The following MYT1L variants were observed in gnomAD, a reference collection of about 807,000 sequenced individuals.
MYT1L encodes the protein myelin transcription factor 1 like, also known as myelin transcription factor 1-like protein.
A neutral mutation model predicts 126.7 loss-of-function variants in MYT1L; 12 were observed. The observed-to-expected ratio is 0.09, with a 90% CI of 0.06 to 0.15. MYT1L has a LOEUF of 0.15. MYT1L is among the 10% of genes least tolerant of loss of function. The pLI is 1.00. For synonymous variants in MYT1L, 541 were observed against 604.2 expected (o/e 0.90, Z 1.53); for missense variants, 979 against 1,585.2 (o/e 0.62, Z 6.49).
At chr2:2,198,718 C>T (rs544483772) in intron 2 of MYT1L, among the ~76,000 whole-genome samples, 4 of 151,880 alleles carry the variant, frequency 2.6e-5, no homozygotes, top group Admixed American at 6.6e-5. Context: ...ATTAGCCAGG[C>T]GTTGTGGTGT....
intron 2 of MYT1L, among the ~76,000 whole-genome samples, chr2:2,257,738 A>G (rs2094857202): frequency 6.8e-6 from 1 of 147,870 alleles, no homozygotes; most frequent in African/African-American, 2.7e-5. Flanking sequence ...CAAGGAAATA[A>G]AAGAGGACAC....
chr2:1,830,955 G>C (rs1232164435), intron 21 of MYT1L, among the ~76,000 whole-genome samples: 2 of 152,276 alleles, frequency 1.3e-5, no homozygotes, highest in Admixed American at 6.5e-5. Flanking sequence ...AGGCTCCCAC[G>C]CTGCTGTCTT....
At chr2:1,792,082 T>C in intron 24 of MYT1L, 75 bp from the exon 25 acceptor site, 1 of 1,281,878 alleles carries the variant, frequency 7.8e-7, no homozygotes, top group Non-Finnish European at 1.1e-6. Flanking sequence ...CATAAAATAG[T>C]ATCATAGCAT....
At chr2:1,833,344 C>A (rs189020938) in intron 21 of MYT1L, among the ~76,000 whole-genome samples, 1 of 152,082 alleles carries the variant, frequency 6.6e-6, no homozygotes, top group Admixed American at 6.5e-5. Context: ...TTGGCCTTAG[C>A]ACCTGTCCAG....
At chr2:2,257,610 G>T (rs1190981823) in intron 2 of MYT1L, among the ~76,000 whole-genome samples, 28 of 152,268 alleles carry the variant, frequency 1.8e-4, no homozygotes, top group Non-Finnish European at 2.2e-4. Flanking sequence ...GTAGCCTCAA[G>T]GGTTCTCATC....
At chr2:2,087,898 C>G (rs901238834) in intron 3 of MYT1L, among the ~76,000 whole-genome samples, 1 of 152,242 alleles carries the variant, frequency 6.6e-6, no homozygotes, top group Non-Finnish European at 1.5e-5. Context: ...AAACACCACA[C>G]GTGGTCTACT....
chr2:2,051,221 G>A (rs1197701924), intron 4 of MYT1L, among the ~76,000 whole-genome samples: 1 of 152,182 alleles, frequency 6.6e-6, no homozygotes, highest in Non-Finnish European at 1.5e-5. Context: ...CAACTGAATA[G>A]TATTCCACGT....
intron 1 of MYT1L, among the ~76,000 whole-genome samples, chr2:2,309,272 T>A (rs2095913632): frequency 6.6e-6 from 1 of 151,890 alleles, no homozygotes; most frequent in African/African-American, 2.4e-5. Context: ...ATACTCCATC[T>A]ACACTTCAGT....
chr2:1,898,729 G>A (rs954410779), intron 14 of MYT1L, among the ~76,000 whole-genome samples: 2 of 152,200 alleles, frequency 1.3e-5, no homozygotes, highest in African/African-American at 4.8e-5. Context: ...GAAGGGCCGC[G>A]GACTGCCTGC....
intron 2 of MYT1L, among the ~76,000 whole-genome samples, chr2:2,218,328 C>G (rs572017803): frequency 6.6e-6 from 1 of 152,266 alleles, no homozygotes; most frequent in African/African-American, 2.4e-5. Flanking sequence ...TATCCATCAA[C>G]AGTTGATTGA....
At chr2:2,179,224 C>A (rs564013440) in intron 2 of MYT1L, among the ~76,000 whole-genome samples, 2 of 152,304 alleles carry the variant, frequency 1.3e-5, no homozygotes, top group East Asian at 1.9e-4. Context: ...TTTGGAGAAC[C>A]CAGTGGTTCT....
At chr2:2,110,229 T>C (rs2079264676) in intron 3 of MYT1L, among the ~76,000 whole-genome samples, 1 of 152,002 alleles carries the variant, frequency 6.6e-6, no homozygotes, top group Admixed American at 6.6e-5. Flanking sequence ...CCCTATTGAA[T>C]GACTTATTCA....
intron 8 of MYT1L, among the ~76,000 whole-genome samples, chr2:1,960,919 T>A (rs1189853348): frequency 6.6e-5 from 10 of 152,238 alleles, no homozygotes; most frequent in Non-Finnish European, 1.2e-4. Context: ...GAACTTCCAG[T>A]GCATGTGTGC....
chr2:1,995,912 G>A (rs1467665967), intron 5 of MYT1L, among the ~76,000 whole-genome samples: 1 of 152,184 alleles, frequency 6.6e-6, no homozygotes, highest in African/African-American at 2.4e-5. Flanking sequence ...GAAGGAAGCT[G>A]CCCTCTGTTT....
At position 1,867,078 on chromosome 2, in the gene MYT1L, AAGGGAGAGAGAGAGAAAGAGAGACGG is replaced by A. The variant is rs2045674575; in HGVS notation, c.2712-15401_2712-15376del. Among the ~76,000 whole-genome samples, 5 of 114,436 alleles carry A rather than the reference AAGGGAGAGAGAGAGAAAGAGAGACGG, an allele frequency of 4.4e-5. No individual in the cohort carries two copies. The South Asian group carries it at 1.7e-3, about 39-fold the overall frequency. 75.1% of individuals were successfully genotyped at this position (114,436 alleles called of 152,430 possible). On this transcript the variant is annotated intron_variant, in intron 18 of 24. Transcript: ENST00000647738. ...GGGTTGGGGGAGAGAGGGAGGGAGG[AAGGGAGAGAGAGAGAAAGAGAGACGG>A]AGGGAGAGAGACAGAGTCTTGCTCA...
intron 3 of MYT1L, among the ~76,000 whole-genome samples, chr2:2,110,997 G>A (rs944719007): frequency 3.3e-5 from 5 of 152,188 alleles, no homozygotes; most frequent in African/African-American, 1.2e-4. Context: ...CAGCTATGGG[G>A]CATGGGCTCC....
intron 4 of MYT1L, among the ~76,000 whole-genome samples, chr2:2,049,781 T>C (rs1421913986): frequency 1.3e-5 from 2 of 152,184 alleles, no homozygotes; most frequent in South Asian, 2.1e-4. Context: ...TTGGTCCTCA[T>C]TTCTCTCTTG....
intron 5 of MYT1L, among the ~76,000 whole-genome samples, chr2:1,995,280 C>T (rs1380223196): frequency 6.6e-6 from 1 of 152,160 alleles, no homozygotes; most frequent in African/African-American, 2.4e-5. Flanking sequence ...ATGCACAGGG[C>T]TCCACACGTG....
At chr2:2,043,543 G>A (rs1292521485) in intron 4 of MYT1L, among the ~76,000 whole-genome samples, 4 of 152,170 alleles carry the variant, frequency 2.6e-5, no homozygotes, top group South Asian at 2.1e-4. Context: ...ACTGCCTCCA[G>A]TTCCCCTTCC....
Sources: allele counts gnomAD v4.1 joint callset (sites outside exome capture counted in the v4.1 genomes callset), GRCh38; gene constraint gnomAD v4.1.1; transcripts MANE v1.5; gene names NCBI Gene and HGNC (gene_info 2026-07-23, HGNC 2026-07-21).